Variants in CDK19 observed in about 807,000 individuals in gnomAD.
CDK19 encodes the protein cyclin dependent kinase 19, also known as cyclin-dependent kinase 19.
A neutral mutation model predicts 68.3 loss-of-function variants in CDK19; 20 were observed. That is an observed-to-expected ratio of 0.29 (90% CI 0.21 to 0.43). CDK19 has a LOEUF of 0.43. Among genes scored for constraint, CDK19 ranks in the 20% least tolerant of loss-of-function variants. The pLI is 1.00. For synonymous variants in CDK19, 221 were observed against 222.8 expected (o/e 0.99, Z 0.07); for missense variants, 339 against 623.5 (o/e 0.54, Z 4.86).
rs1423690689 is a variant in CDK19 at position 110,730,908 on chromosome 6, C to T, written c.204+15218G>A. Reference sequence around the variant, plus strand: ...CTCTACTAAAAATACAGAAATTGGCCGGGCATGGTGGCGCATGCCTGTAAT... The same window carrying T: ...CTCTACTAAAAATACAGAAATTGGCTGGGCATGGTGGCGCATGCCTGTAAT... On this transcript the variant is annotated intron_variant, in intron 2 of 12. Coordinates refer to ENST00000368911, the MANE Select transcript of CDK19 (RefSeq NM_015076.5). Among the ~76,000 whole-genome samples, 5 of 151,998 alleles carry T rather than the reference C, an allele frequency of 3.3e-5. No individual in the cohort carries two copies. The South Asian group carries it at 8.3e-4, about 25-fold the overall frequency.
intron 1 of CDK19, among the ~76,000 whole-genome samples, chr6:110,754,484 A>AT (rs11362155): frequency 0.24 from 35,480 of 146,386 alleles, 4,296 homozygotes; most frequent in South Asian, 0.4. Context: ...AGTTAAACTA[A>AT]TTTTTTTTTT....
In CDK19 at chr6:110,639,800, G is replaced by C. The variant is rs187579195; in HGVS notation, c.457-1094C>G. Among the ~76,000 whole-genome samples the C allele has an allele frequency of 1.3e-3, 199 of 152,320 alleles. 2 individuals carry two copies. The highest frequency in any genetic ancestry group is 1.8e-4 in the Non-Finnish European group (12 of 68,038). On this transcript the variant is annotated intron_variant, in intron 4 of 12. Coordinates refer to ENST00000368911, the MANE Select transcript of CDK19 (RefSeq NM_015076.5). ...AAATGCTCACTGGGGATGGAAGTGGGAATGGTGTCCATTAGACGGATATGA... is the reference window on the plus strand; with the variant it reads ...AAATGCTCACTGGGGATGGAAGTGGCAATGGTGTCCATTAGACGGATATGA...
chr6:110,757,257 A>G (rs1459341924), intron 1 of CDK19, among the ~76,000 whole-genome samples: 2 of 152,132 alleles, frequency 1.3e-5, no homozygotes, highest in East Asian at 1.9e-4. Context: ...CTTCTTCAGT[A>G]AACACCATCC....
chr6:110,645,832 C>T (rs1237570062), intron 4 of CDK19: 7 of 610,030 alleles, frequency 1.1e-5, no homozygotes, highest in African/African-American at 7.4e-5. Context: ...GCGCACGACG[C>T]GCCGCGCTTC....
chr6:110,700,184 A>C (rs1773874448), intron 2 of CDK19, among the ~76,000 whole-genome samples: 1 of 152,228 alleles, frequency 6.6e-6, no homozygotes, highest in African/African-American at 2.4e-5. Context: ...GTACCCCCAG[A>C]TAGAATCATC....
chr6:110,691,967 A>G (rs1773033653), intron 2 of CDK19, among the ~76,000 whole-genome samples: 1 of 151,614 alleles, frequency 6.6e-6, no homozygotes, highest in South Asian at 2.1e-4. Context: ...TTTTAAAAAA[A>G]AAAGAAAGAA....
intron 1 of CDK19, among the ~76,000 whole-genome samples, chr6:110,773,343 C>CAA (rs1038366551): frequency 5.8e-5 from 5 of 86,128 alleles, no homozygotes; most frequent in Non-Finnish European, 7.3e-5. Flanking sequence ...GACTCTGTCT[C>CAA]AAAAAAAAAA....
intron 4 of CDK19, among the ~76,000 whole-genome samples, chr6:110,665,163 G>C (rs924973725): frequency 6.6e-6 from 1 of 152,208 alleles, no homozygotes; most frequent in East Asian, 1.9e-4. Flanking sequence ...AAGGTCGAAA[G>C]TAGATTGGAA....
chr6:110,793,810 A>G (rs897002364), intron 1 of CDK19, among the ~76,000 whole-genome samples: 2 of 152,214 alleles, frequency 1.3e-5, no homozygotes, highest in African/African-American at 2.4e-5. Context: ...CTGGAGGCAT[A>G]ACAATCATTT....
intron 2 of CDK19, among the ~76,000 whole-genome samples, chr6:110,691,802 G>A (rs992782494): frequency 9.3e-5 from 14 of 150,308 alleles, no homozygotes; most frequent in Admixed American, 5.3e-4. Flanking sequence ...CACATGCCAC[G>A]ATGCCGGGCT....
intron 2 of CDK19, among the ~76,000 whole-genome samples, chr6:110,724,125 G>A (rs1185034043): frequency 2.6e-5 from 4 of 151,918 alleles, no homozygotes; most frequent in African/African-American, 2.4e-5. Context: ...AGGCCGAGGC[G>A]GGTGGATCAC....
At chr6:110,733,167 T>C (rs1582976757) in intron 2 of CDK19, among the ~76,000 whole-genome samples, 1 of 152,358 alleles carries the variant, frequency 6.6e-6, no homozygotes, top group Non-Finnish European at 1.5e-5. Flanking sequence ...CGTATTTCTG[T>C]CTGCTCTTAA....
chr6:110,785,366 C>G (rs1184986981), intron 1 of CDK19, among the ~76,000 whole-genome samples: 1 of 152,156 alleles, frequency 6.6e-6, no homozygotes, highest in Non-Finnish European at 1.5e-5. Flanking sequence ...TACTCATAGC[C>G]TACTGTTGAC....
At chr6:110,735,436 A>G (rs1011847323) in intron 2 of CDK19, among the ~76,000 whole-genome samples, 3 of 152,202 alleles carry the variant, frequency 2.0e-5, no homozygotes, top group Non-Finnish European at 4.4e-5. Context: ...CTTTGTTCCA[A>G]GCACCATATA....
rs73763399 is a variant in CDK19, at chr6:110,644,832, A to G, written c.457-6126T>C. Among the ~76,000 whole-genome samples the G allele has an allele frequency of 4.4e-3, 669 of 152,312 alleles. 5 individuals are homozygous for G. Among genetic ancestry groups the G allele is most frequent in the African/African-American group, 0.015 (622 of 41,562 alleles). ...GGAGGCAGGGGGGAAGATAAAGGAC[A>G]GGAATCTACTATGTGTCTGTAAAAA... On this transcript the variant is annotated intron_variant, in intron 4 of 12. Coordinates refer to ENST00000368911, the MANE Select transcript of CDK19 (RefSeq NM_015076.5).
chr6:110,673,189 C>T (rs1771165219), intron 2 of CDK19, among the ~76,000 whole-genome samples: 1 of 152,106 alleles, frequency 6.6e-6, no homozygotes, highest in South Asian at 2.1e-4. Flanking sequence ...ATAAGTGGAA[C>T]CATACAGTGT....
intron 2 of CDK19, among the ~76,000 whole-genome samples, chr6:110,719,635 GA>G (rs1240573911): frequency 6.6e-6 from 1 of 152,108 alleles, no homozygotes; most frequent in Non-Finnish European, 1.5e-5. Flanking sequence ...ACAGTTAAAG[GA>G]AAATAAAAAC....
chr6:110,738,087 T>C (rs1777379887), intron 2 of CDK19, among the ~76,000 whole-genome samples: 1 of 152,202 alleles, frequency 6.6e-6, no homozygotes, highest in Non-Finnish European at 1.5e-5. Context: ...ATCTCAGTAC[T>C]AAACTTTGAT....
intron 6 of CDK19, among the ~76,000 whole-genome samples, chr6:110,630,473 T>G (rs578244551): frequency 2.6e-5 from 4 of 152,178 alleles, no homozygotes; most frequent in Non-Finnish European, 4.4e-5. Flanking sequence ...TTTTCAATAG[T>G]GGGTAAGGAG....
Sources: gnomAD v4.1 joint callset for allele counts (sites outside exome capture counted in the v4.1 genomes callset) on GRCh38, gnomAD v4.1.1 for gene constraint, MANE v1.5 for transcripts, NCBI Gene and HGNC (gene_info 2026-07-23, HGNC 2026-07-21) for gene names.